PHC2: variants seen among roughly 807,000 people sequenced by gnomAD.
The protein encoded by PHC2 is polyhomeotic homolog 2.
Under a neutral mutation model 87.4 loss-of-function variants are expected in PHC2, and 29 were observed. That is an observed-to-expected ratio of 0.33 (90% CI 0.25 to 0.45). The LOEUF (loss-of-function observed/expected upper bound fraction) is 0.45, where lower values mean the gene tolerates loss of function less well. PHC2 is among the 20% of genes least tolerant of loss of function. The pLI is 1.00. For synonymous variants in PHC2, 438 were observed against 461.7 expected, an observed-to-expected ratio of 0.95 and a Z score of 0.66; for missense variants, 857 against 1,136.7, an observed-to-expected ratio of 0.75 and a Z score of 3.54.
intron 14 of PHC2, 179 bp from the exon 15 acceptor site, chr1:33,325,198 A>G: frequency 3.3e-6 from 2 of 612,810 alleles, no homozygotes; most frequent in Non-Finnish European, 5.5e-6. Flanking sequence ...AGGCTGTGCA[A>G]CTCACCCACA....
At chr1:33,341,839 C>A (rs1306187468) in intron 9 of PHC2, among the ~76,000 whole-genome samples, 1 of 152,192 alleles carries the variant, frequency 6.6e-6, no homozygotes, top group Non-Finnish European at 1.5e-5. Context: ...AAATTATAGA[C>A]CCTTCCCACC....
Position 33,354,485 on chromosome 1 carries a change from G to T in PHC2, c.1474C>A (p.Pro492Thr). The change falls in exon 9 of 15, where the codon CCA becomes ACA. Residue 492 changes from proline (P) to threonine (T), a missense_variant. Around this residue, in one of 3 missense-constraint regions of PHC2, gnomAD observed 832 missense variants for 1,081.8 expected, o/e 0.77. Coordinates refer to ENST00000683057, the MANE Select transcript of PHC2 (RefSeq NM_001385109.1). Reference sequence around the variant, plus strand: ...GCAGTGACAATAGCCTGCTGATGTGGTGATGGGCCAGACCGCGTCTCAGGC... The same window carrying T: ...GCAGTGACAATAGCCTGCTGATGTGTTGATGGGCCAGACCGCGTCTCAGGC... ...SVPETRSGPS[P>T]HQQAIVTAMP... 2 of 1,614,142 alleles carry T rather than the reference G, an allele frequency of 1.2e-6. No individual in the cohort carries two copies. Among genetic ancestry groups the T allele is most frequent in the Non-Finnish European group, 8.5e-7 (1 of 1,180,000 alleles).
intron 1 of PHC2, among the ~76,000 whole-genome samples, chr1:33,420,191 A>G (rs577584054): frequency 2.0e-4 from 31 of 152,228 alleles, no homozygotes; most frequent in Non-Finnish European, 4.4e-4. Context: ...TTATGCAACC[A>G]TGTTTCAAGG....
At chr1:33,420,779 T>C (rs1304140305) in intron 1 of PHC2, among the ~76,000 whole-genome samples, 2 of 152,118 alleles carry the variant, frequency 1.3e-5, no homozygotes, top group East Asian at 3.9e-4. Flanking sequence ...CTGGCTTATT[T>C]TTAAATTTTT....
chr1:33,331,509 A>G lies in PHC2; in HGVS notation c.1892-47T>C, dbSNP rs1646496722. 1.7e-6 allele frequency: 2 copies of G among 1,174,950 alleles called. No individual in the cohort carries two copies. The highest frequency in any genetic ancestry group is 2.5e-6 in the Non-Finnish European group (2 of 786,442). The allele number at this position is 1,174,950 out of a possible 1,614,324, so 72.8% of individuals were successfully genotyped here. ...AGGGTGGAGAATGAGAAATTCCTGC[A>G]GGACTGTGGCCAGCCCCACCACGGG... is the stretch of plus-strand genomic sequence containing the variant. On this transcript the variant is annotated intron_variant, in intron 11 of 14. Transcript: ENST00000683057. The surrounding 1 kb of genome is among the most constrained non-coding windows in gnomAD (Gnocchi z 5.2).
rs753538669 is a variant in PHC2 at position 33,325,000 on chromosome 1, C to G, written c.2445G>C (p.Glu815Asp). 1 of 1,612,750 alleles carries G rather than the reference C, an allele frequency of 6.2e-7. No homozygotes were observed. Among genetic ancestry groups the G allele is most frequent in the South Asian group, 1.1e-5 (1 of 90,956 alleles). ...CGTCGATTTCCTGGGCACGGAATTC[C>G]TCTGCTATCTCCTGGCAGCCTGAGG... ...RSLPGCQEIA[E>D]EFRAQEIDGQ... The change falls in exon 15 of 15, where the codon GAG (glutamate) becomes GAC (aspartate). Residue 815 changes from glutamate (E) to aspartate (D), a missense_variant. This residue lies in a region of PHC2 where 832 missense variants were observed against 1,081.8 expected (regional missense o/e 0.77). Coordinates refer to ENST00000683057, the MANE Select transcript of PHC2 (RefSeq NM_001385109.1).
intron 1 of PHC2, among the ~76,000 whole-genome samples, chr1:33,407,456 C>T (rs1649812289): frequency 6.6e-6 from 1 of 152,170 alleles, no homozygotes; most frequent in South Asian, 2.1e-4. Context: ...TGGAACCATC[C>T]TAGTCTATCT....
In PHC2 at chr1:33,331,443, A is replaced by G; in HGVS notation, c.1911T>C (p.Ala637=). Residue 637 remains alanine (A), a synonymous_variant, in exon 12 of 15, where the codon GCT becomes GCC. Coordinates refer to ENST00000683057, the MANE Select transcript of PHC2 (RefSeq NM_001385109.1). This position sits in a 1 kb window ranked among gnomAD's most constrained non-coding sequence, Gnocchi z 5.2. ...AGAGCTCACACTTGAGTTTGAGGGG[A>G]GCACCCTCCTCTTTGGATTCTGAAA... The part of the protein sequence containing the change: ...PYLQESKEEG[A]PLKLKCELCG... The G allele has an allele frequency of 6.2e-7, 1 of 1,602,840 alleles. No homozygotes were observed. Among genetic ancestry groups the G allele is most frequent in the South Asian group, 1.1e-5 (1 of 90,792 alleles).
intron 9 of PHC2, among the ~76,000 whole-genome samples, chr1:33,351,029 T>C (rs907085015): frequency 5.9e-5 from 9 of 152,238 alleles, no homozygotes; most frequent in African/African-American, 1.9e-4. Flanking sequence ...GTCCAGGTCC[T>C]ACCTATCCTT....
intron 1 of PHC2, among the ~76,000 whole-genome samples, chr1:33,423,538 A>G (rs1409480308): frequency 6.6e-6 from 1 of 152,210 alleles, no homozygotes; most frequent in African/African-American, 2.4e-5. Context: ...GGCTTTATGG[A>G]CCAATGAATT....
At chr1:33,339,676 C>T (rs1027962459) in intron 9 of PHC2, among the ~76,000 whole-genome samples, 1 of 152,208 alleles carries the variant, frequency 6.6e-6, no homozygotes, top group Non-Finnish European at 1.5e-5. Flanking sequence ...CAGGCTGGTG[C>T]CAGTTATGCA....
chr1:33,355,263 G>C lies in PHC2; in HGVS notation c.977-10C>G, dbSNP rs570793318. On this transcript the variant is annotated splice_polypyrimidine_tract_variant and intron_variant, in intron 7 of 14. Transcript: ENST00000683057. ...TGCAGCTGAGCATAGGCTGAAAGGG[G>C]AAAGGCCAGGTTAGAGAGCATGGCT... is the stretch of plus-strand genomic sequence containing the variant. 62 of 1,555,010 alleles carry C rather than the reference G, an allele frequency of 4.0e-5. 1 individual carries two copies. The South Asian group carries it at 7.5e-4, about 19-fold the overall frequency.
chr1:33,323,708 G>A lies in PHC2; in HGVS notation c.*1157C>T, dbSNP rs1399209189. Reference sequence around the variant, plus strand: ...TCCAACCCTGCCTGGGGGTGTGGGTGGGGAATAGAATAAGCTCAGAAAGGT... The same window carrying A: ...TCCAACCCTGCCTGGGGGTGTGGGTAGGGAATAGAATAAGCTCAGAAAGGT... On this transcript the variant is annotated 3_prime_UTR_variant, in exon 15 of 15. Coordinates refer to ENST00000683057, the MANE Select transcript of PHC2 (RefSeq NM_001385109.1). 1 of 152,672 alleles carries A rather than the reference G, an allele frequency of 6.5e-6. No individual in the cohort carries two copies. Among genetic ancestry groups the A allele is most frequent in the Non-Finnish European group, 1.5e-5 (1 of 68,052 alleles). 9.5% of individuals were successfully genotyped at this position (152,672 alleles called of 1,614,324 possible). A position where few individuals can be genotyped will look rare whatever the true frequency, so the allele number is the denominator to read the frequency against.
intron 1 of PHC2, among the ~76,000 whole-genome samples, chr1:33,391,135 A>T (rs1649035084): frequency 6.6e-6 from 1 of 152,176 alleles, no homozygotes; most frequent in South Asian, 2.1e-4. Context: ...CACACAACAA[A>T]ATCACCTGGA....
rs1339377894 is a variant in PHC2 at position 33,421,332 on chromosome 1, G to A, written c.-55+9644C>T. Among the ~76,000 whole-genome samples, 3 of 152,150 alleles carry A rather than the reference G, an allele frequency of 2.0e-5. 1 individual carries two copies. Among genetic ancestry groups the A allele is most frequent in the Non-Finnish European group, 4.4e-5 (3 of 68,034 alleles). On this transcript the variant is annotated intron_variant, in intron 1 of 14. Coordinates refer to ENST00000683057, the MANE Select transcript of PHC2 (RefSeq NM_001385109.1). ...AAGGACAGGAAGTAGGGCAAAGTGT[G>A]TGACTAAGAGCGCTGACACACAGTA... is the stretch of plus-strand genomic sequence containing the variant.
intron 9 of PHC2, among the ~76,000 whole-genome samples, chr1:33,337,067 A>G (rs1401800380): frequency 6.6e-6 from 1 of 152,244 alleles, no homozygotes. Context: ...AATTACTAAC[A>G]TAGATTACTA....
At chr1:33,381,816 T>C (rs1439610692) in intron 1 of PHC2, among the ~76,000 whole-genome samples, 1 of 151,942 alleles carries the variant, frequency 6.6e-6, no homozygotes, top group Non-Finnish European at 1.5e-5. Flanking sequence ...GTAATATATA[T>C]ATAAAGGATA....
Position 33,364,408 on chromosome 1 carries a change from A to ACACACACACG in PHC2, c.976+2707_976+2708insCGTGTGTGTG, listed in dbSNP as rs1553186428. ...CTTGCTTTCACACACACACACACAC[A>ACACACACACG]CACACACACACACACACGCTCAAGC... On this transcript the variant is annotated intron_variant, in intron 7 of 14. Coordinates refer to ENST00000683057, the MANE Select transcript of PHC2 (RefSeq NM_001385109.1). This position sits in a 1 kb window ranked among gnomAD's most constrained non-coding sequence, Gnocchi z 4.1. Among the ~76,000 whole-genome samples, 5 of 113,720 alleles carry ACACACACACG rather than the reference A, an allele frequency of 4.4e-5. No individual in the cohort carries two copies. In the East Asian group the frequency reaches 1.2e-3, roughly 27 times the overall value. 74.6% of individuals were successfully genotyped at this position (113,720 alleles called of 152,430 possible).
At chr1:33,343,769 C>T (rs545794602) in intron 9 of PHC2, among the ~76,000 whole-genome samples, 3 of 152,300 alleles carry the variant, frequency 2.0e-5, no homozygotes, top group African/African-American at 7.2e-5. Context: ...TTCCGTGGCC[C>T]AAACTGAGGT....
Sources: allele counts gnomAD v4.1 joint callset (sites outside exome capture counted in the v4.1 genomes callset), GRCh38; gene constraint gnomAD v4.1.1; regional missense constraint gnomAD v4.1.1; non-coding constraint Gnocchi (gnomAD v3.1); transcripts MANE v1.5; gene names NCBI Gene and HGNC (gene_info 2026-07-23, HGNC 2026-07-21).